The following SULT1C2 variants were observed in gnomAD, a reference collection of about 807,000 sequenced individuals.
The protein encoded by SULT1C2 is sulfotransferase 1C2.
SULT1C2 carries 27 observed loss-of-function variants against 36.0 expected under a neutral mutation model. That is an observed-to-expected ratio of 0.75 (90% CI 0.55 to 1.03). SULT1C2 has a LOEUF of 1.03. SULT1C2 is among the 50% of genes least tolerant of loss of function. The probability of loss-of-function intolerance (pLI) is 0.00; values close to 1 mark genes in which losing one functional copy is unlikely to be tolerated. For missense variants in SULT1C2, 395 were observed against 359.2 expected (o/e 1.10, Z -0.80); for synonymous variants, 121 against 116.0 (o/e 1.04, Z -0.27).
At chr2:108,295,134 T>A (rs953858766) in intron 3 of SULT1C2, among the ~76,000 whole-genome samples, 5 of 152,254 alleles carry the variant, frequency 3.3e-5, no homozygotes, top group Middle Eastern at 3.4e-3. Context: ...CCTAAAAATG[T>A]CCTAAGATAG....
At chr2:108,295,739 C>G (rs79479438) in intron 3 of SULT1C2, among the ~76,000 whole-genome samples, 5,459 of 152,300 alleles carry the variant, frequency 0.036, 108 homozygotes, top group African/African-American at 0.054. Flanking sequence ...GCTATCTTTA[C>G]TAACCACTTC....
At position 108,293,498 on chromosome 2, in the gene SULT1C2, A is replaced by G. The variant is rs1192300161; in HGVS notation, c.-21-149A>G. The G allele has an allele frequency of 4.3e-6, 3 of 689,834 alleles. No individual in the cohort carries two copies. The African/African-American group carries it at 5.5e-5, about 13-fold the overall frequency. 42.7% of individuals were successfully genotyped at this position (689,834 alleles called of 1,614,324 possible). A position where few individuals can be genotyped will look rare whatever the true frequency, so the allele number is the denominator to read the frequency against. ...TGTCTGGGATGATGAAAAAAATTCT[A>G]GAAAAGATGGTTATAATGGTTGCAC... On this transcript the variant is annotated intron_variant, in intron 1 of 7. Transcript: ENST00000251481.
At chr2:108,291,347 C>G (rs574767990) in intron 1 of SULT1C2, among the ~76,000 whole-genome samples, 4 of 152,282 alleles carry the variant, frequency 2.6e-5, no homozygotes, top group African/African-American at 9.6e-5. Flanking sequence ...ATTAGACCCA[C>G]CGGGATAATA....
intron 3 of SULT1C2, among the ~76,000 whole-genome samples, chr2:108,298,046 G>A (rs559136645): frequency 4.6e-5 from 7 of 152,294 alleles, no homozygotes; most frequent in East Asian, 1.9e-4. Flanking sequence ...GAGGAGAGCC[G>A]CGAGTACCAG....
intron 3 of SULT1C2, among the ~76,000 whole-genome samples, chr2:108,296,972 C>A (rs1330242948): frequency 6.6e-6 from 1 of 152,200 alleles, no homozygotes; most frequent in Non-Finnish European, 1.5e-5. Flanking sequence ...CAACTCCCAG[C>A]CTTGTAGCCG....
At chr2:108,290,396 A>G (rs1676559702) in intron 1 of SULT1C2, among the ~76,000 whole-genome samples, 1 of 152,238 alleles carries the variant, frequency 6.6e-6, no homozygotes, top group Admixed American at 6.5e-5. Flanking sequence ...ATACAGCCAC[A>G]TGCTAATATA....
Position 108,305,283 on chromosome 2 carries a change from C to A in SULT1C2, c.597+17C>A, listed in dbSNP as rs1389400507. The A allele has an allele frequency of 1.2e-6, 2 of 1,613,782 alleles. No homozygotes were observed. Among genetic ancestry groups the A allele is most frequent in the African/African-American group, 1.3e-5 (1 of 74,912 alleles). ...ATAAAGAGGGTGAGTGAAGGCTCTG[C>A]AGAAGAACCATTTTAAAGTGGTTCT... On this transcript the variant is annotated intron_variant, in intron 6 of 7. Transcript: ENST00000251481.
chr2:108,305,757 A>T (rs1677009164), intron 7 of SULT1C2, 162 bp downstream of exon 7: 1 of 906,632 alleles, frequency 1.1e-6, no homozygotes. Context: ...TGTAGAAGAG[A>T]GCTTTCTAGG....
chr2:108,289,283 G>C (rs536383076), intron 1 of SULT1C2, among the ~76,000 whole-genome samples: 1 of 152,132 alleles, frequency 6.6e-6, no homozygotes, highest in South Asian at 2.1e-4. Flanking sequence ...ACCTCCAAAA[G>C]CTCTCTCTCC....
intron 3 of SULT1C2, 126 bp downstream of exon 3, chr2:108,294,480 T>TCTCCCTCCCTCTCTCCTTCCTCTTCTAG: frequency 1.0e-6 from 1 of 960,318 alleles, no homozygotes; most frequent in Non-Finnish European, 1.5e-6. Flanking sequence ...TCCTCTTCTC[T>TCTCCCTCCCTCTCTCCTTCCTCTTCTAG]TTCTCTCTCA....
intron 3 of SULT1C2, among the ~76,000 whole-genome samples, chr2:108,295,612 A>G (rs1390290837): frequency 1.3e-5 from 2 of 152,258 alleles, no homozygotes; most frequent in South Asian, 2.1e-4. Flanking sequence ...CCTTAGCTGC[A>G]AAGTGTAGAT....
chr2:108,300,419 C>A, intron 3 of SULT1C2: 1 of 208,332 alleles, frequency 4.8e-6, no homozygotes, highest in Non-Finnish European at 9.4e-6. Flanking sequence ...CACAGGCCAG[C>A]AAGTATACAT....
Position 108,305,420 on chromosome 2 carries a change from A to G in SULT1C2, c.603A>G (p.Pro201=). The G allele has an allele frequency of 6.2e-7, 1 of 1,613,962 alleles. No individual in the cohort carries two copies. The highest frequency in any genetic ancestry group is 8.5e-7 in the Non-Finnish European group (1 of 1,179,874). ...CAATGTTACCCTTGCCGCAGGACCC[A>G]AAGCATGAAATTCGGAAGGTGATGC... The part of the protein sequence containing the change: ...FLFYEDIKRD[P]KHEIRKVMQF... Residue 201 remains proline (P), a synonymous_variant, in exon 7 of 8, where the codon CCA becomes CCG. Coordinates refer to ENST00000251481, the MANE Select transcript of SULT1C2 (RefSeq NM_001056.4).
At chr2:108,292,813 A>G (rs1676625545) in intron 1 of SULT1C2, among the ~76,000 whole-genome samples, 1 of 152,226 alleles carries the variant, frequency 6.6e-6, no homozygotes, top group African/African-American at 2.4e-5. Context: ...ATTCAAAGAG[A>G]TATTTGTACA....
At chr2:108,306,689 C>T (rs1388473924) in intron 7 of SULT1C2, among the ~76,000 whole-genome samples, 2 of 152,068 alleles carry the variant, frequency 1.3e-5, no homozygotes, top group African/African-American at 2.4e-5. Context: ...AGGCAGATCA[C>T]GAGGTCAAGA....
chr2:108,307,621 G>A (rs1333266537), intron 7 of SULT1C2, among the ~76,000 whole-genome samples: 5 of 152,136 alleles, frequency 3.3e-5, no homozygotes, highest in Non-Finnish European at 7.3e-5. Context: ...AGAGGTATTG[G>A]TGGGGAAAAG....
Position 108,304,499 on chromosome 2 carries a change from G to C in SULT1C2, c.376-75G>C, listed in dbSNP as rs17036083. Reference sequence around the variant, plus strand: ...CAGAGTGCACAGCAACCCTCAGGATGGCTCTGCCTAAGGGAACTCTGTGAA... The same window carrying C: ...CAGAGTGCACAGCAACCCTCAGGATCGCTCTGCCTAAGGGAACTCTGTGAA... On this transcript the variant is annotated intron_variant, in intron 4 of 7. Transcript: ENST00000251481. The C allele has an allele frequency of 2.4e-3, 3,585 of 1,504,468 alleles. 57 individuals are homozygous for C. In the African/African-American group the frequency reaches 0.042, roughly 18 times the overall value. 93.2% of individuals were successfully genotyped at this position (1,504,468 alleles called of 1,614,324 possible).
intron 1 of SULT1C2, among the ~76,000 whole-genome samples, chr2:108,291,265 ACTT>A (rs1285175688): frequency 1.6e-4 from 25 of 152,192 alleles, no homozygotes; most frequent in African/African-American, 5.3e-4. Flanking sequence ...CTCTCCAGCC[ACTT>A]CTTCTGCCAC....
In SULT1C2 at chr2:108,294,365, C is replaced by T. The variant is rs764165371; in HGVS notation, c.277+11C>T. 1 of 1,608,982 alleles carries T rather than the reference C, an allele frequency of 6.2e-7. No individual in the cohort carries two copies. The highest frequency in any genetic ancestry group is 1.1e-5 in the South Asian group (1 of 90,208). ...CACCCCAACCTTCTGGTGAGAGCAC[C>T]TCCCTCTTTCTCTCTTCCTGCTTTC... On this transcript the variant is annotated intron_variant, in intron 3 of 7. Coordinates refer to ENST00000251481, the MANE Select transcript of SULT1C2 (RefSeq NM_001056.4).
Sources: gnomAD v4.1 joint callset for allele counts (sites outside exome capture counted in the v4.1 genomes callset) on GRCh38, gnomAD v4.1.1 for gene constraint, MANE v1.5 for transcripts, NCBI Gene and HGNC (gene_info 2026-07-23, HGNC 2026-07-21) for gene names.